The following JADE3 variants were observed in gnomAD, a reference collection of about 807,000 sequenced individuals.
The protein encoded by JADE3 is protein Jade-3.
A neutral mutation model predicts 50.1 loss-of-function variants in JADE3; 2 were observed. The observed-to-expected ratio is 0.04, with a 90% CI of 0.02 to 0.13. The LOEUF is 0.13. JADE3 is among the 10% of genes least tolerant of loss of function. JADE3 has a pLI of 1.00. For missense variants in JADE3, 475 were observed against 634.4 expected, an observed-to-expected ratio of 0.75 and a Z score of 2.70; for synonymous variants, 218 against 232.9, an observed-to-expected ratio of 0.94 and a Z score of 0.58.
chrX:46,934,041 T>C (rs1486327829), intron 1 of JADE3, among the ~76,000 whole-genome samples: 1 of 112,297 alleles, frequency 8.9e-6, no homozygotes, highest in Non-Finnish European at 1.9e-5. Context: ...ATAGTCTGGG[T>C]AAAAATCCTT....
rs782639648 is a variant in JADE3, at chrX:47,058,886, T to C, written c.2281T>C (p.Tyr761His). 1.7e-6 allele frequency: 2 copies of C among 1,209,393 alleles called. No homozygotes were observed. The highest frequency in any genetic ancestry group is 2.2e-5 in the Admixed American group (1 of 45,645). The change falls in exon 11 of 11, where the codon TAT (tyrosine) becomes CAT (histidine). Residue 761 changes from tyrosine to histidine, a missense_variant. Physicochemically the swap from Tyr to His is moderately conservative, Grantham distance 83. Coordinates refer to ENST00000614628, the MANE Select transcript of JADE3 (RefSeq NM_014735.5). ...CAGGCGGTCTGCAGGGAGAGCTCCATATCAGGAAAATGATGGCTATTGCCC... is the reference window on the plus strand; with the variant it reads ...CAGGCGGTCTGCAGGGAGAGCTCCACATCAGGAAAATGATGGCTATTGCCC... ...VLRRSAGRAP[Y>H]QENDGYCPDL...
At chrX:46,989,723 A>G (rs1441146613) in intron 3 of JADE3, among the ~76,000 whole-genome samples, 1 of 111,776 alleles carries the variant, frequency 8.9e-6, no homozygotes, top group African/African-American at 3.2e-5. Context: ...AGCTTCTTGA[A>G]TCTGTAGATT....
In JADE3 at chrX:47,006,125, A is replaced by G. The variant is rs782638839; in HGVS notation, c.284+7848A>G. 6.2e-5 allele frequency among the ~76,000 whole-genome samples: 7 copies of G among 112,250 alleles called. No individual in the cohort carries two copies. The East Asian group carries it at 1.7e-3, about 27-fold the overall frequency. On this transcript the variant is annotated intron_variant, in intron 4 of 10. Transcript: ENST00000614628. ...TTTAACGAAGATTTTAAAACAGCCA[A>G]CATAAAAATGCTTCAGTGAACAATT...
chrX:46,921,072 G>A (rs1254832000), intron 1 of JADE3, among the ~76,000 whole-genome samples: 2 of 110,812 alleles, frequency 1.8e-5, no homozygotes, highest in Non-Finnish European at 3.8e-5. Flanking sequence ...GAGCCACCAC[G>A]TCTGGCTTTT....
At chrX:46,983,847 A>T (rs1927808416) in intron 1 of JADE3, among the ~76,000 whole-genome samples, 2 of 111,455 alleles carry the variant, frequency 1.8e-5, no homozygotes, top group South Asian at 3.8e-4. Context: ...AGGGTCGTCC[A>T]TGGAGCTGCT....
intron 4 of JADE3, among the ~76,000 whole-genome samples, chrX:47,018,721 C>T (rs1347988294): frequency 8.9e-6 from 1 of 112,032 alleles, no homozygotes; most frequent in Non-Finnish European, 1.9e-5. Flanking sequence ...TGATAATTTG[C>T]CCCCAAACTT....
intron 1 of JADE3, among the ~76,000 whole-genome samples, chrX:46,947,367 G>A (rs1009516130): frequency 9.0e-6 from 1 of 111,398 alleles, no homozygotes; most frequent in Non-Finnish European, 1.9e-5. Flanking sequence ...GAGCCCGGAG[G>A]GGTAGATACT....
chrX:47,019,124 T>G (rs782539295), intron 4 of JADE3, among the ~76,000 whole-genome samples: 1 of 111,610 alleles, frequency 9.0e-6, no homozygotes, highest in African/African-American at 3.3e-5. Flanking sequence ...GCATCACTTC[T>G]ATTGATCAAA....
Position 47,054,553 on chromosome X carries a change from G to A in JADE3, c.1368G>A (p.Gly456=), listed in dbSNP as rs1388670413. 8.3e-7 allele frequency: 1 copy of A among 1,210,545 alleles called. No homozygotes were observed. The highest frequency in any genetic ancestry group is 1.1e-6 in the Non-Finnish European group (1 of 894,616). The change falls in exon 9 of 11, where the codon GGG becomes GGA. Residue 456 remains glycine, a synonymous_variant. Coordinates refer to ENST00000614628, the MANE Select transcript of JADE3 (RefSeq NM_014735.5). ...LFPPKEDEEN[G]LVQPKEESIH... ...CTCCAAAGGAGGATGAAGAAAATGG[G>A]CTGGTGCAGCCAAAAGAGGAAAGCA...
At position 47,033,629 on chromosome X, in the gene JADE3, T is replaced by C; in HGVS notation, c.696T>C (p.Tyr232=). The change falls in exon 7 of 11, where the codon TAT becomes TAC. Residue 232 remains tyrosine (Y), a synonymous_variant. Transcript: ENST00000614628. The part of the protein sequence containing the change: ...KCNVCVHQAC[Y]GILKVPEGSW... ...CCTCCTCATACCTCCAGGCCTGCTATGGCATCCTCAAGGTCCCAGAAGGCA... is the reference window on the plus strand; with the variant it reads ...CCTCCTCATACCTCCAGGCCTGCTACGGCATCCTCAAGGTCCCAGAAGGCA... 1 of 1,206,532 alleles carries C rather than the reference T, an allele frequency of 8.3e-7. No individual in the cohort carries two copies. The highest frequency in any genetic ancestry group is 1.8e-5 in the South Asian group (1 of 55,852).
intron 1 of JADE3, among the ~76,000 whole-genome samples, chrX:46,952,634 C>T (rs1477141605): frequency 8.9e-6 from 1 of 112,074 alleles, no homozygotes; most frequent in Admixed American, 9.5e-5. Context: ...CAGTGAGAAA[C>T]TACACACTTT....
intron 9 of JADE3, 90 bp from the exon 10 acceptor site, chrX:47,055,992 C>T: frequency 1.9e-6 from 1 of 534,769 alleles, no homozygotes; most frequent in Admixed American, 2.6e-5. Context: ...CCCCACCTGA[C>T]TTTAGGTCTT....
chrX:47,034,745 G>A (rs1470900049), intron 7 of JADE3, among the ~76,000 whole-genome samples: 2 of 106,150 alleles, frequency 1.9e-5, no homozygotes, highest in Non-Finnish European at 3.9e-5. Context: ...GACTACAGGT[G>A]CCCGCCACCA....
At chrX:46,927,817 A>G (rs1556339200) in intron 1 of JADE3, among the ~76,000 whole-genome samples, 1 of 111,763 alleles carries the variant, frequency 8.9e-6, no homozygotes, top group Non-Finnish European at 1.9e-5. Context: ...TAACTGCCAC[A>G]TAGTATGGTC....
chrX:47,059,296 A>G lies in JADE3; in HGVS notation c.*219A>G, dbSNP rs1320779279. 2.1e-5 allele frequency: 8 copies of G among 374,785 alleles called. No individual in the cohort carries two copies. The highest frequency in any genetic ancestry group is 2.0e-4 in the African/African-American group (8 of 39,026). 30.9% of individuals were successfully genotyped at this position (374,785 alleles called of 1,213,427 possible). On this transcript the variant is annotated 3_prime_UTR_variant, in exon 11 of 11. Transcript: ENST00000614628. ...GGTTGTCCAGAGGTTGGTTTGTCAG[A>G]GGCTATTGGGAACAGCTGGGCCCAG...
chrX:46,990,258 T>G (rs1927956459), intron 3 of JADE3, among the ~76,000 whole-genome samples: 1 of 111,689 alleles, frequency 9.0e-6, no homozygotes, highest in Non-Finnish European at 1.9e-5. Context: ...TATCCTGGAC[T>G]TTTTTAGTAT....
chrX:47,053,614 G>T (rs1929568437), intron 8 of JADE3, among the ~76,000 whole-genome samples: 1 of 111,632 alleles, frequency 9.0e-6, no homozygotes, highest in Non-Finnish European at 1.9e-5. Flanking sequence ...TTAGATATTG[G>T]AATTCCTATG....
chrX:46,956,221 C>T (rs1927111518), intron 1 of JADE3, among the ~76,000 whole-genome samples: 1 of 111,532 alleles, frequency 9.0e-6, no homozygotes, highest in Non-Finnish European at 1.9e-5. Context: ...CACACCACCA[C>T]ACCTGGCTAA....
chrX:46,962,838 A>AT (rs782434225), intron 1 of JADE3, among the ~76,000 whole-genome samples: 35 of 83,395 alleles, frequency 4.2e-4, no homozygotes, highest in African/African-American at 1.4e-3. Flanking sequence ...ATATAAACTA[A>AT]TTTTTTTTTT....
Sources: gnomAD v4.1 joint callset for allele counts (sites outside exome capture counted in the v4.1 genomes callset) on GRCh38, gnomAD v4.1.1 for gene constraint, MANE v1.5 for transcripts, NCBI Gene and HGNC (gene_info 2026-07-23, HGNC 2026-07-21) for gene names.